Variants in TUT4 observed in about 807,000 individuals in gnomAD.
TUT4 encodes the protein terminal uridylyl transferase 4, also known as terminal uridylyltransferase 4.
Under a neutral mutation model 192.2 loss-of-function variants are expected in TUT4, and 36 were observed. The observed-to-expected ratio is 0.19, with a 90% CI of 0.14 to 0.25. The LOEUF (loss-of-function observed/expected upper bound fraction) is 0.25. TUT4 is among the 10% of genes least tolerant of loss of function. TUT4 has a pLI of 1.00. For missense variants in TUT4, 1,493 were observed against 1,957.2 expected, an observed-to-expected ratio of 0.76 and a Z score of 4.47; for synonymous variants, 618 against 666.0, an observed-to-expected ratio of 0.93 and a Z score of 1.11.
intron 1 of TUT4, among the ~76,000 whole-genome samples, chr1:52,545,806 T>C (rs906881195): frequency 1.3e-5 from 2 of 151,732 alleles, no homozygotes; most frequent in African/African-American, 2.4e-5. Flanking sequence ...ATATACTCAA[T>C]GATGCTAAGG....
chr1:52,531,227 C>CT (rs555777687), intron 1 of TUT4, among the ~76,000 whole-genome samples: 9,221 of 142,838 alleles, frequency 0.065, 297 homozygotes, highest in South Asian at 0.089. Context: ...AGAAAAAGTA[C>CT]TTTTTTTTTT....
chr1:52,516,886 G>T (rs1440812558), intron 2 of TUT4, among the ~76,000 whole-genome samples: 1 of 152,112 alleles, frequency 6.6e-6, no homozygotes, highest in African/African-American at 2.4e-5. Flanking sequence ...TTTAGATATG[G>T]GAGCCAGAGA....
chr1:52,513,122 C>CA (rs756219029), intron 3 of TUT4, among the ~76,000 whole-genome samples: 2,503 of 97,128 alleles, frequency 0.026, 54 homozygotes, highest in African/African-American at 0.078. Context: ...GACCCTGTCT[C>CA]AAAAAAAAAA....
intron 13 of TUT4, among the ~76,000 whole-genome samples, chr1:52,472,682 A>T (rs1044897907): frequency 1.3e-5 from 2 of 151,998 alleles, no homozygotes; most frequent in African/African-American, 4.8e-5. Context: ...TCATACGAAG[A>T]GTAACTTATC....
In TUT4 at chr1:52,450,480, A is replaced by C. The variant is rs145245041; in HGVS notation, c.3436-3813T>G. Among the ~76,000 whole-genome samples, 345 of 152,306 alleles carry C rather than the reference A, an allele frequency of 2.3e-3. 2 individuals carry two copies. The highest frequency in any genetic ancestry group is 8.1e-3 in the African/African-American group (337 of 41,574). On this transcript the variant is annotated intron_variant, in intron 20 of 29. Coordinates refer to ENST00000257177, the MANE Select transcript of TUT4 (RefSeq NM_001009881.3). ...TAAACAGATAATGAAAGAGTTTTTA[A>C]AGTTGAATATGGTAGTCCTACCTAC...
intron 24 of TUT4, among the ~76,000 whole-genome samples, chr1:52,439,627 A>G (rs952807134): frequency 6.6e-6 from 1 of 152,204 alleles, no homozygotes; most frequent in Non-Finnish European, 1.5e-5. Flanking sequence ...AAAAGACAAT[A>G]ACAAGTATTG....
intron 4 of TUT4, among the ~76,000 whole-genome samples, chr1:52,499,177 T>C (rs1435245370): frequency 1.3e-5 from 2 of 151,318 alleles, no homozygotes; most frequent in South Asian, 2.1e-4. Context: ...GGCAGGTGGA[T>C]TGCTTGAGGT....
intron 20 of TUT4, 122 bp downstream of exon 20, chr1:52,458,213 GA>G: frequency 1.6e-6 from 1 of 610,482 alleles, no homozygotes; most frequent in Non-Finnish European, 2.8e-6. Flanking sequence ...TTAATGGAAA[GA>G]GAAAACTTAG....
chr1:52,475,646 A>C, intron 12 of TUT4, 111 bp from the exon 13 acceptor site: 2 of 1,077,242 alleles, frequency 1.9e-6, no homozygotes, highest in East Asian at 2.6e-5. Flanking sequence ...CATTTTCCCA[A>C]GGGGTTTTTC....
chr1:52,527,455 A>C (rs1317149747), intron 1 of TUT4, among the ~76,000 whole-genome samples: 1 of 151,930 alleles, frequency 6.6e-6, no homozygotes, highest in Admixed American at 6.6e-5. Context: ...CTGAGGCAGG[A>C]GAATTGCTTG....
At chr1:52,446,129 T>A (rs1657457832) in intron 22 of TUT4, 125 bp from the exon 23 acceptor site, 6 of 1,305,708 alleles carry the variant, frequency 4.6e-6, no homozygotes, top group Non-Finnish European at 4.2e-6. Context: ...AAACTCTTCC[T>A]CTAAAATTAC....
chr1:52,448,773 T>C (rs1658405785), intron 20 of TUT4, among the ~76,000 whole-genome samples: 1 of 152,158 alleles, frequency 6.6e-6, no homozygotes, highest in Non-Finnish European at 1.5e-5. Context: ...ATTTATTTGC[T>C]AGATATTGAA....
chr1:52,481,013 C>G (rs1333550998), intron 11 of TUT4, among the ~76,000 whole-genome samples: 1 of 152,176 alleles, frequency 6.6e-6, no homozygotes, highest in Non-Finnish European at 1.5e-5. Context: ...TAATGCCTGG[C>G]ACATAGCAGG....
At chr1:52,502,173 G>C (rs1206229284) in intron 4 of TUT4, among the ~76,000 whole-genome samples, 1 of 150,680 alleles carries the variant, frequency 6.6e-6, no homozygotes, top group Admixed American at 6.6e-5. Flanking sequence ...CAATGCGCCG[G>C]TAAGACAATG....
chr1:52,508,230 G>A (rs1451390351), intron 4 of TUT4, among the ~76,000 whole-genome samples: 1 of 151,840 alleles, frequency 6.6e-6, no homozygotes, highest in Middle Eastern at 3.4e-3. Flanking sequence ...GGGAGGCTGA[G>A]GCAGGGTAAT....
At chr1:52,458,264 C>A in intron 20 of TUT4, 72 bp downstream of exon 20, 1 of 1,133,192 alleles carries the variant, frequency 8.8e-7, no homozygotes, top group African/African-American at 1.6e-5. Flanking sequence ...TGACATGAAC[C>A]AAGCAAAATC....
At chr1:52,451,039 G>A (rs1441846282) in intron 20 of TUT4, among the ~76,000 whole-genome samples, 1 of 152,184 alleles carries the variant, frequency 6.6e-6, no homozygotes, top group African/African-American at 2.4e-5. Flanking sequence ...GCCCAGGTGG[G>A]CGGGTCACAA....
intron 14 of TUT4, among the ~76,000 whole-genome samples, chr1:52,469,335 G>T (rs544614623): frequency 5.2e-5 from 3 of 57,346 alleles, no homozygotes; most frequent in African/African-American, 1.8e-4. Flanking sequence ...AAAATGAGTG[G>T]AATCGATAAG....
chr1:52,439,667 T>A (rs1005339756), intron 24 of TUT4, among the ~76,000 whole-genome samples: 1 of 152,194 alleles, frequency 6.6e-6, no homozygotes, highest in African/African-American at 2.4e-5. Context: ...AGAACACATA[T>A]GTATTGCTGG....
Sources: allele counts gnomAD v4.1 joint callset (sites outside exome capture counted in the v4.1 genomes callset), GRCh38; gene constraint gnomAD v4.1.1; transcripts MANE v1.5; gene names NCBI Gene and HGNC (gene_info 2026-07-23, HGNC 2026-07-21).